NRXN1: variants seen among roughly 807,000 people sequenced by gnomAD.
NRXN1 encodes the protein neurexin 1, also known as neurexin-1.
In NRXN1, 39 loss-of-function variants were observed where a neutral mutation model predicts 150.9. The observed-to-expected ratio is 0.26, with a 90% CI of 0.20 to 0.34. The LOEUF is 0.34. NRXN1 is among the 10% of genes least tolerant of loss of function. NRXN1 has a pLI of 1.00. For synonymous variants in NRXN1, 924 were observed against 757.0 expected (o/e 1.22, Z -3.62); for missense variants, 1,815 against 1,949.9 (o/e 0.93, Z 1.30).
At chr2:50,593,378 A>T (rs1266650049) in intron 8 of NRXN1, among the ~76,000 whole-genome samples, 3 of 152,212 alleles carry the variant, frequency 2.0e-5, no homozygotes, top group African/African-American at 7.2e-5. Flanking sequence ...GATATACTTA[A>T]AGGGCACTGA....
In NRXN1 at chr2:50,909,298, A is replaced by T. The variant is rs1684196513; in HGVS notation, c.832+12571T>A. Reference sequence around the variant, plus strand: ...TATGAGGTAACAAGGTAACAAGTACAGCCTTCTGAAAGCATAAACAGCGTT... The same window carrying T: ...TATGAGGTAACAAGGTAACAAGTACTGCCTTCTGAAAGCATAAACAGCGTT... On this transcript the variant is annotated intron_variant, in intron 5 of 22. Coordinates refer to ENST00000401669, the MANE Select transcript of NRXN1 (RefSeq NM_001330078.2). Among the ~76,000 whole-genome samples, 3 of 152,100 alleles carry T rather than the reference A, an allele frequency of 2.0e-5. 1 individual carries two copies. In the South Asian group the frequency reaches 6.2e-4, roughly 31 times the overall value.
At chr2:50,730,672 C>CTTTTTTTTTTTTT (rs56042523) in intron 5 of NRXN1, among the ~76,000 whole-genome samples, 32 of 122,020 alleles carry the variant, frequency 2.6e-4, no homozygotes, top group Middle Eastern at 5.0e-3. Context: ...TTCTTGTTTT[C>CTTTTTTTTTTTTT]TTTTTTTTTT....
At chr2:50,600,513 C>T (rs764791900) in intron 8 of NRXN1, among the ~76,000 whole-genome samples, 20 of 151,828 alleles carry the variant, frequency 1.3e-4, no homozygotes, top group Middle Eastern at 3.4e-3. Context: ...TTAATAGAGA[C>T]GGGGTTTCAC....
intron 17 of NRXN1, among the ~76,000 whole-genome samples, chr2:50,334,996 G>A (rs1387932200): frequency 1.3e-5 from 2 of 152,122 alleles, no homozygotes; most frequent in African/African-American, 4.8e-5. Flanking sequence ...AGAGAAAGTG[G>A]TGGGACACTC....
At chr2:50,881,946 T>C (rs777398177) in intron 5 of NRXN1, among the ~76,000 whole-genome samples, 1 of 151,604 alleles carries the variant, frequency 6.6e-6, no homozygotes, top group Non-Finnish European at 1.5e-5. Context: ...AACGCAAAAA[T>C]AGCAATTGAA....
intron 8 of NRXN1, among the ~76,000 whole-genome samples, chr2:50,611,929 TTC>T (rs1678217387): frequency 6.6e-6 from 1 of 152,176 alleles, no homozygotes; most frequent in Non-Finnish European, 1.5e-5. Flanking sequence ...AGATCTTCCC[TTC>T]TCTGACATCC....
intron 5 of NRXN1, among the ~76,000 whole-genome samples, chr2:50,680,145 G>A (rs1320742130): frequency 1.3e-5 from 2 of 152,054 alleles, no homozygotes; most frequent in South Asian, 2.1e-4. Flanking sequence ...CAAAGACCCT[G>A]TCTCAAAAAT....
intron 5 of NRXN1, among the ~76,000 whole-genome samples, chr2:50,815,232 AAGACAGACACCGATCTCC>A (rs1668760300): frequency 1.3e-5 from 2 of 152,178 alleles, no homozygotes; most frequent in South Asian, 4.1e-4. Flanking sequence ...TACACAAGAC[AAGACAGACACCGATCTCC>A]AGTGCAGAGG....
chr2:50,779,710 G>T lies in NRXN1; in HGVS notation c.832+142159C>A, dbSNP rs546244676. Among the ~76,000 whole-genome samples, 3 of 152,284 alleles carry T rather than the reference G, an allele frequency of 2.0e-5. No homozygotes were observed. The South Asian group carries it at 6.2e-4, about 32-fold the overall frequency. On this transcript the variant is annotated intron_variant, in intron 5 of 22. Coordinates refer to ENST00000401669, the MANE Select transcript of NRXN1 (RefSeq NM_001330078.2). ...GTGAACCTGGGAGGTGGAGCTTGCAGTGAGCTGAGATCGCGCCACTGCACT... is the reference window on the plus strand; with the variant it reads ...GTGAACCTGGGAGGTGGAGCTTGCATTGAGCTGAGATCGCGCCACTGCACT...
In NRXN1 at chr2:50,531,351, A is replaced by T. The variant is rs1422542877; in HGVS notation, c.2223T>A (p.Asp741Glu). ...LPVVMHTEAEDVSLRFRSQRA... is the reference protein window; with the variant it reads ...LPVVMHTEAEEVSLRFRSQRA... ...GCTGGGATCGGAACCGTAAGGAAAC[A>T]TCCTCAGCCTCCGTATGCATGACTA... Residue 741 changes from aspartate (D) to glutamate (E), a missense_variant, in exon 11 of 23, where the codon GAT (aspartate) becomes GAA (glutamate). By Grantham distance (45) the Asp-to-Glu change is conservative. This residue lies in a region of NRXN1 where 638 missense variants were observed against 652.6 expected (regional missense o/e 0.98). Coordinates refer to ENST00000401669, the MANE Select transcript of NRXN1 (RefSeq NM_001330078.2). 6.2e-7 allele frequency: 1 copy of T among 1,613,386 alleles called. No individual in the cohort carries two copies. Among genetic ancestry groups the T allele is most frequent in the South Asian group, 1.1e-5 (1 of 90,936 alleles).
chr2:50,486,934 G>C (rs905935062), intron 15 of NRXN1, among the ~76,000 whole-genome samples: 3 of 152,108 alleles, frequency 2.0e-5, no homozygotes, highest in African/African-American at 7.2e-5. Flanking sequence ...AATTAATTGA[G>C]ATGAGATACC....
intron 5 of NRXN1, among the ~76,000 whole-genome samples, chr2:50,679,233 G>A (rs1689999167): frequency 1.3e-5 from 2 of 152,114 alleles, no homozygotes; most frequent in South Asian, 4.1e-4. Context: ...TCCAGGTGAT[G>A]GGATAGGTTT....
chr2:50,041,725 A>G (rs911093294), intron 21 of NRXN1, among the ~76,000 whole-genome samples: 1 of 152,248 alleles, frequency 6.6e-6, no homozygotes, highest in Non-Finnish European at 1.5e-5. Flanking sequence ...ACTGAAAGTC[A>G]GACTGCTTTT....
chr2:51,024,085 A>T (rs942356229), intron 2 of NRXN1, among the ~76,000 whole-genome samples: 7 of 152,324 alleles, frequency 4.6e-5, no homozygotes, highest in South Asian at 2.1e-4. Context: ...TCTTGTTTTT[A>T]AACTGGATAG....
At chr2:50,162,293 C>A (rs547609979) in intron 18 of NRXN1, among the ~76,000 whole-genome samples, 1 of 152,052 alleles carries the variant, frequency 6.6e-6, no homozygotes, top group Non-Finnish European at 1.5e-5. Flanking sequence ...CTTTCTTTGG[C>A]AAGCAACTCA....
chr2:50,639,597 T>A (rs1683772557), intron 5 of NRXN1, among the ~76,000 whole-genome samples: 1 of 152,176 alleles, frequency 6.6e-6, no homozygotes, highest in Non-Finnish European at 1.5e-5. Context: ...AAATATTCAT[T>A]CTGTAAAATA....
intron 2 of NRXN1, among the ~76,000 whole-genome samples, chr2:50,962,861 C>T (rs1024583385): frequency 5.9e-5 from 9 of 151,602 alleles, no homozygotes; most frequent in African/African-American, 2.2e-4. Flanking sequence ...TATCAGTCAA[C>T]CAGCAAGTAC....
chr2:50,552,714 C>G lies in NRXN1; in HGVS notation c.1632G>C (p.Glu544Asp). 6.2e-7 allele frequency: 1 copy of G among 1,613,980 alleles called. No homozygotes were observed. The highest frequency in any genetic ancestry group is 8.5e-7 in the Non-Finnish European group (1 of 1,179,878). ...QMIKVDFFAI[E>D]MLDGHLYLLL... The stretch of plus-strand genomic sequence containing the variant: ...GGAGGTAGAGGTGGCCATCTAGCAT[C>G]TCAATAGCAAAGAAGTCCACCTTTA... Residue 544 changes from glutamate (E) to aspartate (D), a missense_variant, in exon 9 of 23, where the codon GAG (glutamate) becomes GAC (aspartate). Transcript: ENST00000401669.
At chr2:50,215,338 AATACT>A (rs1244259004) in intron 18 of NRXN1, among the ~76,000 whole-genome samples, 1 of 152,062 alleles carries the variant, frequency 6.6e-6, no homozygotes, top group Non-Finnish European at 1.5e-5. Flanking sequence ...ATTATAAATA[AATACT>A]ATATGTTATG....
Sources: allele counts gnomAD v4.1 joint callset (sites outside exome capture counted in the v4.1 genomes callset), GRCh38; gene constraint gnomAD v4.1.1; regional missense constraint gnomAD v4.1.1; transcripts MANE v1.5; gene names NCBI Gene and HGNC (gene_info 2026-07-23, HGNC 2026-07-21).